UCK2: variants seen among roughly 807,000 people sequenced by gnomAD.
UCK2 encodes cytidine monophosphokinase 2.
In UCK2, 6 loss-of-function variants were observed where a neutral mutation model predicts 30.8. The observed-to-expected ratio is 0.19, with a 90% CI of 0.11 to 0.38. The LOEUF is 0.38. Ranked by LOEUF, UCK2 falls within the 10% of genes least tolerant of loss-of-function variation. The pLI, the probability that UCK2 is intolerant of heterozygous loss-of-function variation, is 1.00. For missense variants in UCK2, 210 were observed against 339.8 expected (o/e 0.62, Z 3.00); for synonymous variants, 125 against 133.6 (o/e 0.94, Z 0.45).
At chr1:165,871,456 G>T (rs1193449320) in intron 1 of UCK2, among the ~76,000 whole-genome samples, 2 of 152,154 alleles carry the variant, frequency 1.3e-5, no homozygotes, top group East Asian at 1.9e-4. Flanking sequence ...CAGGGACACA[G>T]CTGCAGGTCT....
At chr1:165,858,801 G>A (rs1654817348) in intron 1 of UCK2, among the ~76,000 whole-genome samples, 1 of 152,162 alleles carries the variant, frequency 6.6e-6, no homozygotes, top group Admixed American at 6.5e-5. Flanking sequence ...AAAGAAAATG[G>A]AATGCTGATG....
intron 3 of UCK2, among the ~76,000 whole-genome samples, chr1:165,893,167 G>T (rs946127873): frequency 6.6e-6 from 1 of 152,206 alleles, no homozygotes; most frequent in Non-Finnish European, 1.5e-5. Flanking sequence ...ACTGAGCATG[G>T]TTGACAGGAG....
chr1:165,841,195 T>A (rs1654323383), intron 1 of UCK2, among the ~76,000 whole-genome samples: 1 of 151,952 alleles, frequency 6.6e-6, no homozygotes, highest in Non-Finnish European at 1.5e-5. Flanking sequence ...GCTGCTTTTT[T>A]TTTTTGAGAT....
chr1:165,894,925 C>A (rs1266488784), intron 3 of UCK2, among the ~76,000 whole-genome samples: 1 of 152,106 alleles, frequency 6.6e-6, no homozygotes, highest in African/African-American at 2.4e-5. Context: ...GGAAACCTTG[C>A]AATGATGATT....
Position 165,891,289 on chromosome 1 carries a change from A to G in UCK2, c.323A>G (p.Gln108Arg), listed in dbSNP as rs772652326. The change falls in exon 3 of 7, where the codon CAG becomes CGG. Residue 108 changes from glutamine (Q) to arginine (R), a missense_variant. By Grantham distance (43) the Gln-to-Arg change is conservative. Coordinates refer to ENST00000367879, the MANE Select transcript of UCK2 (RefSeq NM_012474.5). Reference protein sequence around the residue: ...LKEITEGKTVQIPVYDFVSHS... With the variant: ...LKEITEGKTVRIPVYDFVSHS... ...GAAATCACTGAAGGGAAAACAGTCC[A>G]GATCCCCGTGTATGACTTTGTCTCC... is the stretch of plus-strand genomic sequence containing the variant. The G allele has an allele frequency of 3.1e-6, 5 of 1,614,240 alleles. No homozygotes were observed.
At chr1:165,865,129 A>G in intron 1 of UCK2, among the ~76,000 whole-genome samples, 1 of 152,264 alleles carries the variant, frequency 6.6e-6, no homozygotes, top group East Asian at 1.9e-4. Flanking sequence ...GTAGTGTACT[A>G]AAACTTAACA....
chr1:165,884,227 C>G (rs1169565013), intron 1 of UCK2, among the ~76,000 whole-genome samples: 1 of 152,204 alleles, frequency 6.6e-6, no homozygotes, highest in African/African-American at 2.4e-5. Context: ...GCATTCTTCT[C>G]TGCTGTGATG....
In UCK2 at chr1:165,893,595, C is replaced by T. The variant is rs1206486641; in HGVS notation, c.356+2273C>T. ...TCTGAGCATCCTTTTCCCCATAAGC[C>T]AAATGAGATGGTTAGACTGGGTTAT... On this transcript the variant is annotated intron_variant, in intron 3 of 6. Transcript: ENST00000367879. Among the ~76,000 whole-genome samples the T allele has an allele frequency of 4.6e-5, 7 of 152,192 alleles. No homozygotes were observed. The East Asian group carries it at 1.2e-3, about 25-fold the overall frequency.
intron 1 of UCK2, among the ~76,000 whole-genome samples, chr1:165,869,057 G>T (rs1051422555): frequency 6.6e-6 from 1 of 152,178 alleles, no homozygotes; most frequent in Non-Finnish European, 1.5e-5. Flanking sequence ...CAAGAAGAGG[G>T]AGAGAGACAG....
intron 4 of UCK2, chr1:165,900,501 A>G (rs901883580): frequency 7.9e-5 from 12 of 152,394 alleles, no homozygotes; most frequent in African/African-American, 2.4e-4. Flanking sequence ...CCCAGAGCCC[A>G]TAGAGGTAGA....
At chr1:165,890,408 G>C (rs776429379) in intron 2 of UCK2, 45 bp downstream of exon 2, 2 of 1,582,910 alleles carry the variant, frequency 1.3e-6, no homozygotes, top group Non-Finnish European at 1.7e-6. Context: ...TTGGTGTGTT[G>C]GGGGGAATAG....
chr1:165,885,355 T>C lies in UCK2; in HGVS notation c.100-4849T>C, dbSNP rs184448813. ...TAATACTTGTTGTAATGGAATTAAATGAGATAATGTCTTCAGAATGCCATG... is the reference window on the plus strand; with the variant it reads ...TAATACTTGTTGTAATGGAATTAAACGAGATAATGTCTTCAGAATGCCATG... On this transcript the variant is annotated intron_variant, in intron 1 of 6. Transcript: ENST00000367879. 36 of 398,302 alleles carry C rather than the reference T, an allele frequency of 9.0e-5. No homozygotes were observed. In the East Asian group the frequency reaches 1.3e-3, roughly 14 times the overall value. The allele number at this position is 398,302 out of a possible 1,614,324, so 24.7% of individuals were successfully genotyped here.
In UCK2 at chr1:165,877,199, G is replaced by T. The variant is rs80209590; in HGVS notation, c.100-13005G>T. Among the ~76,000 whole-genome samples, 614 of 152,258 alleles carry T rather than the reference G, an allele frequency of 4.0e-3. 5 individuals carry two copies. Among genetic ancestry groups the T allele is most frequent in the African/African-American group, 0.014 (591 of 41,556 alleles). On this transcript the variant is annotated intron_variant, in intron 1 of 6. Transcript: ENST00000367879. ...GAGGAAAAATTAAGAATTTTGAAAA[G>T]TGAGAAGCTATACCTCTGGGATAAA...
chr1:165,857,906 G>T (rs1654791927), intron 1 of UCK2, among the ~76,000 whole-genome samples: 1 of 152,250 alleles, frequency 6.6e-6, no homozygotes, highest in Admixed American at 6.5e-5. Context: ...CTCCCACCAG[G>T]CCTGATCTGA....
chr1:165,850,954 T>TTTTTA (rs60420412), intron 1 of UCK2, among the ~76,000 whole-genome samples: 14 of 118,540 alleles, frequency 1.2e-4, no homozygotes, highest in Admixed American at 3.7e-4. Context: ...TTTTTTTTTT[T>TTTTTA]AATAGAGAAT....
At chr1:165,906,431 T>A (rs961161830) in intron 6 of UCK2, among the ~76,000 whole-genome samples, 2 of 152,226 alleles carry the variant, frequency 1.3e-5, no homozygotes, top group Admixed American at 6.5e-5. Flanking sequence ...GTCACCAAGA[T>A]GGAAGTGCAG....
intron 4 of UCK2, among the ~76,000 whole-genome samples, chr1:165,898,996 A>G (rs1338276176): frequency 1.3e-5 from 2 of 152,218 alleles, no homozygotes; most frequent in African/African-American, 4.8e-5. Flanking sequence ...GACAAAAAAC[A>G]TGCTTGGCAT....
intron 1 of UCK2, among the ~76,000 whole-genome samples, chr1:165,837,837 T>C (rs554425316): frequency 5.9e-5 from 9 of 152,354 alleles, no homozygotes; most frequent in African/African-American, 2.2e-4. Context: ...ATTGAACTCC[T>C]CATCTCACCC....
intron 1 of UCK2, among the ~76,000 whole-genome samples, chr1:165,847,834 C>G (rs900870588): frequency 6.6e-6 from 1 of 152,116 alleles, no homozygotes; most frequent in African/African-American, 2.4e-5. Flanking sequence ...TGCTCTGTCA[C>G]CCAGGCTGGA....
Sources: allele counts gnomAD v4.1 joint callset (sites outside exome capture counted in the v4.1 genomes callset), GRCh38; gene constraint gnomAD v4.1.1; transcripts MANE v1.5; gene names NCBI Gene and HGNC (gene_info 2026-07-23, HGNC 2026-07-21).